The following PCM1 variants were observed in gnomAD, a reference collection of about 807,000 sequenced individuals.
PCM1 encodes the protein pericentriolar material 1.
A neutral mutation model predicts 241.9 loss-of-function variants in PCM1; 157 were observed. The observed-to-expected ratio is 0.65, with a 90% CI of 0.57 to 0.74. The LOEUF (loss-of-function observed/expected upper bound fraction) is 0.74. PCM1 is among the 30% of genes least tolerant of loss of function. PCM1 has a pLI of 0.00. For synonymous variants in PCM1, 1,085 were observed against 784.9 expected (o/e 1.38, Z -6.39); for missense variants, 3,478 against 2,360.1 (o/e 1.47, Z -9.81).
intron 38 of PCM1, among the ~76,000 whole-genome samples, chr8:18,025,892 C>T (rs963801812): frequency 9.2e-5 from 14 of 152,006 alleles, no homozygotes; most frequent in East Asian, 5.9e-4. Context: ...TGGCTGGGCG[C>T]GGTGGCTCAC....
rs751877200 is a variant in PCM1, at chr8:17,953,042, A to C, written c.1144A>C (p.Lys382Gln). The C allele has an allele frequency of 3.1e-6, 5 of 1,608,608 alleles. No homozygotes were observed. The African/African-American group carries it at 4.0e-5, about 13-fold the overall frequency. The change falls in exon 9 of 39, where the codon AAA becomes CAA. Residue 382 changes from lysine to glutamine, a missense_variant. Coordinates refer to ENST00000325083, the MANE Select transcript of PCM1 (RefSeq NM_006197.4). The part of the protein sequence containing the change: ...SLTREVSQSR[K>Q]PSASERLPDE... ...AACTAGGGAGGTTTCCCAGAGCAGGAAACCATCAGCTTCAGAACGTTTACC... is the reference window on the plus strand; with the variant it reads ...AACTAGGGAGGTTTCCCAGAGCAGGCAACCATCAGCTTCAGAACGTTTACC...
chr8:17,997,052 A>G (rs180867058), intron 29 of PCM1, among the ~76,000 whole-genome samples: 46 of 152,176 alleles, frequency 3.0e-4, no homozygotes, highest in African/African-American at 1.1e-3. Flanking sequence ...AGATGGAAAT[A>G]AAGTATTTAG....
chr8:17,966,027 G>T lies in PCM1; in HGVS notation c.2884G>T (p.Asp962Tyr). 6.2e-7 allele frequency: 1 copy of T among 1,611,030 alleles called. No homozygotes were observed. The highest frequency in any genetic ancestry group is 1.1e-5 in the South Asian group (1 of 90,426). The change falls in exon 19 of 39, where the codon GAT becomes TAT. Residue 962 changes from aspartate (D) to tyrosine (Y), a missense_variant. Transcript: ENST00000325083. ...RWKNNCPFSA[D>Y]ENYRPLAKTR... is the part of the protein sequence containing the mutation. Reference sequence around the variant, plus strand: ...GAAGAACAATTGCCCTTTTTCGGCAGATGAAAATTATCGTCCTTTAGCCAA... The same window carrying T: ...GAAGAACAATTGCCCTTTTTCGGCATATGAAAATTATCGTCCTTTAGCCAA...
At position 18,012,226 on chromosome 8, in the gene PCM1, T is replaced by G. The variant is rs185113604; in HGVS notation, c.5511+399T>G. 4.1e-4 allele frequency among the ~76,000 whole-genome samples: 62 copies of G among 152,300 alleles called. 1 individual carries two copies. The highest frequency in any genetic ancestry group is 1.9e-3 in the Admixed American group (29 of 15,306). On this transcript the variant is annotated intron_variant, in intron 34 of 38. Transcript: ENST00000325083. ...GTGATTAAATTTCACACCGGCCCTC[T>G]CCTTCCTATTTGGGTTGTGAATCAT...
chr8:17,938,446 G>C (rs1233078171), intron 4 of PCM1, among the ~76,000 whole-genome samples: 1 of 152,088 alleles, frequency 6.6e-6, no homozygotes, highest in East Asian at 1.9e-4. Context: ...AACACTTCTT[G>C]TCTGAAATAT....
At chr8:17,983,244 A>G (rs1344840661) in intron 24 of PCM1, 1 of 1,322,464 alleles carries the variant, frequency 7.6e-7, no homozygotes, top group East Asian at 4.1e-5. Flanking sequence ...ACATGCTAGG[A>G]GAATACTACA....
chr8:17,929,868 C>T (rs2058413971), intron 2 of PCM1, among the ~76,000 whole-genome samples: 1 of 152,118 alleles, frequency 6.6e-6, no homozygotes, highest in Non-Finnish European at 1.5e-5. Flanking sequence ...ACAGAATAGT[C>T]ACAACAGTAT....
chr8:18,020,837 G>A lies in PCM1; in HGVS notation c.5842-4524G>A, dbSNP rs2093692227. On this transcript the variant is annotated intron_variant, in intron 36 of 38. Transcript: ENST00000325083. ...TTGGAGTGAGTGATGATTTTGGAATGTTGTGGAAACAAAGGGTTTCTCACT... is the reference window on the plus strand; with the variant it reads ...TTGGAGTGAGTGATGATTTTGGAATATTGTGGAAACAAAGGGTTTCTCACT... Among the ~76,000 whole-genome samples, 3 of 152,296 alleles carry A rather than the reference G, an allele frequency of 2.0e-5. 1 individual carries two copies. Among genetic ancestry groups the A allele is most frequent in the Middle Eastern group, 3.4e-3 (1 of 294 alleles).
In PCM1 at chr8:17,941,730, C is replaced by A. The variant is rs762721295; in HGVS notation, c.783+1869C>A. ...CAGCTTCACAAGAACAGGTTTCAGA[C>A]ATTGACGTTACTACAAGTCCAAAAG... On this transcript the variant is annotated intron_variant, in intron 6 of 38. Transcript: ENST00000325083. Among the ~76,000 whole-genome samples the A allele has an allele frequency of 2.2e-3, 335 of 152,054 alleles. 2 individuals are homozygous for A. The highest frequency in any genetic ancestry group is 4.0e-3 in the Non-Finnish European group (274 of 68,006).
intron 2 of PCM1, among the ~76,000 whole-genome samples, chr8:17,931,635 AATG>A (rs1290706899): frequency 6.6e-6 from 1 of 152,212 alleles, no homozygotes; most frequent in Non-Finnish European, 1.5e-5. Context: ...TTAAGATAAA[AATG>A]ATATGTAATA....
intron 36 of PCM1, 94 bp downstream of exon 36, chr8:18,014,934 T>G: frequency 8.8e-7 from 1 of 1,142,816 alleles, no homozygotes; most frequent in Non-Finnish European, 1.2e-6. Flanking sequence ...GTAAACCATT[T>G]TGTGTTTAGG....
intron 6 of PCM1, 48 bp downstream of exon 6, chr8:17,939,909 G>T (rs765243262): frequency 1.3e-5 from 16 of 1,212,416 alleles, no homozygotes; most frequent in Non-Finnish European, 1.8e-5. Context: ...TAGTATCTCA[G>T]TGTGTATTTA....
intron 38 of PCM1, among the ~76,000 whole-genome samples, chr8:18,026,285 GTC>G (rs2094204967): frequency 8.3e-6 from 1 of 119,768 alleles, no homozygotes; most frequent in Non-Finnish European, 1.6e-5. Context: ...TTGAGACAGA[GTC>G]TCTGCCACCG....
At chr8:18,005,961 A>G (rs1337756532) in intron 29 of PCM1, 50 of 234,704 alleles carry the variant, frequency 2.1e-4, no homozygotes, top group Non-Finnish European at 8.2e-6. Context: ...AACTAGCATG[A>G]ATAGTTCTCC....
Position 18,013,758 on chromosome 8 carries a change from G to A in PCM1, c.5512-206G>A, listed in dbSNP as rs916788501. ...TCCAGTTGTATTATACTGTGTGTGT[G>A]TGTTTTTAAGGCAACAAGGAAACCC... On this transcript the variant is annotated intron_variant, in intron 34 of 38. Coordinates refer to ENST00000325083, the MANE Select transcript of PCM1 (RefSeq NM_006197.4). The A allele has an allele frequency of 5.9e-6, 3 of 511,568 alleles. No individual in the cohort carries two copies. In the African/African-American group the frequency reaches 6.1e-5, roughly 10 times the overall value. 31.7% of individuals were successfully genotyped at this position (511,568 alleles called of 1,614,324 possible).
intron 6 of PCM1, among the ~76,000 whole-genome samples, chr8:17,946,832 A>AGTGTGTGTGTGTGTGTGTGTGTGT (rs368892136): frequency 1.4e-5 from 2 of 138,296 alleles, no homozygotes; most frequent in African/African-American, 2.7e-5. Context: ...TAGATTCTTC[A>AGTGTGTGTGTGTGTGTGTGTGTGT]GTGTGTGTGT....
At chr8:17,975,799 T>G (rs1474356815) in intron 23 of PCM1, among the ~76,000 whole-genome samples, 1 of 152,180 alleles carries the variant, frequency 6.6e-6, no homozygotes, top group Non-Finnish European at 1.5e-5. Flanking sequence ...CCTTAGAAGG[T>G]CTTTATATAT....
intron 2 of PCM1, chr8:17,926,945 C>T (rs751405187): frequency 1.4e-4 from 22 of 151,970 alleles, no homozygotes; most frequent in Non-Finnish European, 2.5e-4. Context: ...GGCCAGAGTC[C>T]TAGAAAAGTC....
rs900158608 is a variant in PCM1, at chr8:18,010,460, C to T, written c.5161-149C>T. On this transcript the variant is annotated intron_variant, in intron 31 of 38. Coordinates refer to ENST00000325083, the MANE Select transcript of PCM1 (RefSeq NM_006197.4). ...TGCTAAGAGCTTGATGAAAATAAAA[C>T]AGCATGATACTATAATAAATGATTA... 2.0e-5 allele frequency: 11 copies of T among 556,806 alleles called. No homozygotes were observed. In the African/African-American group the frequency reaches 2.0e-4, roughly 10 times the overall value. The allele number at this position is 556,806 out of a possible 1,614,324, so 34.5% of individuals were successfully genotyped here.
Sources: gnomAD v4.1 joint callset for allele counts (sites outside exome capture counted in the v4.1 genomes callset) on GRCh38, gnomAD v4.1.1 for gene constraint, MANE v1.5 for transcripts, NCBI Gene and HGNC (gene_info 2026-07-23, HGNC 2026-07-21) for gene names.